The following EPB41L4B variants were observed in gnomAD, a reference collection of about 807,000 sequenced individuals.
EPB41L4B encodes erythrocyte membrane protein band 4.1 like 4B.
EPB41L4B carries 30 observed loss-of-function variants against 112.5 expected under a neutral mutation model. That is an observed-to-expected ratio of 0.27 (90% CI 0.20 to 0.36). The LOEUF (loss-of-function observed/expected upper bound fraction) is 0.36, where lower values mean the gene tolerates loss of function less well. Ranked by LOEUF, EPB41L4B falls within the 10% of genes least tolerant of loss-of-function variation. The pLI is 1.00. For missense variants in EPB41L4B, 1,024 were observed against 1,133.3 expected (o/e 0.90, Z 1.38); for synonymous variants, 408 against 439.7 (o/e 0.93, Z 0.90).
intron 15 of EPB41L4B, among the ~76,000 whole-genome samples, chr9:109,223,839 C>T (rs1163887929): frequency 2.0e-5 from 3 of 151,876 alleles, no homozygotes; most frequent in African/African-American, 4.8e-5. Flanking sequence ...GCCAACATGG[C>T]GAAGCTCTGT....
intron 16 of EPB41L4B, among the ~76,000 whole-genome samples, chr9:109,214,786 C>A (rs1471678497): frequency 1.3e-5 from 2 of 151,966 alleles, no homozygotes; most frequent in Non-Finnish European, 2.9e-5. Flanking sequence ...CTGTGTATGG[C>A]CCTGCTCAGA....
At chr9:109,249,139 T>G (rs1404789661) in intron 13 of EPB41L4B, among the ~76,000 whole-genome samples, 1 of 151,580 alleles carries the variant, frequency 6.6e-6, no homozygotes, top group African/African-American at 2.4e-5. Context: ...GAGGTGTGCT[T>G]GAAATCAAGT....
intron 15 of EPB41L4B, among the ~76,000 whole-genome samples, chr9:109,243,305 T>C (rs1834421497): frequency 2.0e-5 from 3 of 149,374 alleles, no homozygotes; most frequent in South Asian, 4.2e-4. Flanking sequence ...GTAAACAAAT[T>C]CTCAGGACAG....
intron 24 of EPB41L4B, among the ~76,000 whole-genome samples, chr9:109,180,146 A>G (rs1832000688): frequency 6.6e-6 from 1 of 151,988 alleles, no homozygotes; most frequent in Non-Finnish European, 1.5e-5. Flanking sequence ...CCTGTTTTTC[A>G]GTCCCTTGAA....
chr9:109,306,657 G>C (rs939537273), intron 1 of EPB41L4B, among the ~76,000 whole-genome samples: 4 of 151,952 alleles, frequency 2.6e-5, no homozygotes, highest in African/African-American at 9.7e-5. Context: ...CTGGTGAAGG[G>C]GTCCCACCTC....
intron 2 of EPB41L4B, among the ~76,000 whole-genome samples, chr9:109,268,726 G>A (rs1281118126): frequency 5.3e-5 from 8 of 151,770 alleles, no homozygotes; most frequent in Non-Finnish European, 8.8e-5. Flanking sequence ...GTGAAACCCC[G>A]TCTCTACTAA....
intron 15 of EPB41L4B, among the ~76,000 whole-genome samples, chr9:109,226,634 A>T (rs913578795): frequency 2.6e-5 from 3 of 117,058 alleles, no homozygotes; most frequent in Admixed American, 1.8e-4. Flanking sequence ...ATATATGAAG[A>T]ATATATATAT....
At position 109,255,700 on chromosome 9, in the gene EPB41L4B, G is replaced by A; in HGVS notation, c.1000-20C>T. ...ACGTCCCTTAAAGAGGAAGCACAAG[G>A]GCCTCGAGTGGGCGTTTGCAACCCC... On this transcript the variant is annotated intron_variant, in intron 10 of 25. Transcript: ENST00000374566. 6.2e-7 allele frequency: 1 copy of A among 1,610,784 alleles called. No individual in the cohort carries two copies. The highest frequency in any genetic ancestry group is 8.5e-7 in the Non-Finnish European group (1 of 1,177,256).
intron 19 of EPB41L4B, among the ~76,000 whole-genome samples, chr9:109,200,611 G>A (rs754633323): frequency 2.9e-4 from 44 of 152,176 alleles, no homozygotes; most frequent in African/African-American, 9.2e-4. Flanking sequence ...TCTCTGCTCC[G>A]TAACAGCCAC....
intron 20 of EPB41L4B, among the ~76,000 whole-genome samples, chr9:109,199,645 C>A (rs1307492344): frequency 1.3e-5 from 2 of 152,070 alleles, no homozygotes; most frequent in African/African-American, 2.4e-5. Context: ...CCAGCCTGAG[C>A]GACAGAGCAA....
At chr9:109,311,440 G>A (rs1201867656) in intron 1 of EPB41L4B, among the ~76,000 whole-genome samples, 1 of 152,168 alleles carries the variant, frequency 6.6e-6, no homozygotes, top group Non-Finnish European at 1.5e-5. Context: ...CCTCACAGCT[G>A]CAGGGTAGAC....
At chr9:109,283,403 C>A (rs139770416) in intron 1 of EPB41L4B, among the ~76,000 whole-genome samples, 1,602 of 152,316 alleles carry the variant, frequency 0.011, 31 homozygotes, top group African/African-American at 0.036. Flanking sequence ...CAGGCTCTTT[C>A]CTTCCTCGAC....
At chr9:109,287,784 C>T (rs566576873) in intron 1 of EPB41L4B, among the ~76,000 whole-genome samples, 22 of 152,222 alleles carry the variant, frequency 1.4e-4, no homozygotes, top group Middle Eastern at 3.4e-3. Flanking sequence ...CAGGTGTACT[C>T]CACTATGGGG....
intron 24 of EPB41L4B, 123 bp from the exon 25 acceptor site, chr9:109,176,819 G>T: frequency 9.2e-7 from 1 of 1,082,340 alleles, no homozygotes; most frequent in Non-Finnish European, 1.3e-6. Flanking sequence ...AAAATCGATT[G>T]TCATTTTAAG....
chr9:109,217,951 G>T (rs538218826), intron 15 of EPB41L4B, among the ~76,000 whole-genome samples: 3 of 151,106 alleles, frequency 2.0e-5, no homozygotes, highest in Non-Finnish European at 4.4e-5. Context: ...CCATTTGAAG[G>T]CCGTGTCATC....
intron 1 of EPB41L4B, among the ~76,000 whole-genome samples, chr9:109,307,682 G>A (rs148141387): frequency 1.1e-3 from 174 of 152,302 alleles, no homozygotes; most frequent in African/African-American, 3.8e-3. Flanking sequence ...TCAAGAGTGC[G>A]CTGCAGGTTA....
Position 109,182,804 on chromosome 9 carries a change from AAGAG to A in EPB41L4B, c.2419-11_2419-8del, listed in dbSNP as rs1295968810. 6.3e-7 allele frequency: 1 copy of A among 1,599,656 alleles called. No individual in the cohort carries two copies. Among genetic ancestry groups the A allele is most frequent in the Admixed American group, 1.7e-5 (1 of 59,894 alleles). On this transcript the variant is annotated splice_region_variant and splice_polypyrimidine_tract_variant and intron_variant, in intron 23 of 25. Coordinates refer to ENST00000374566, the MANE Select transcript of EPB41L4B (RefSeq NM_019114.5). Reference sequence around the variant, plus strand: ...CAACCGGGAATGTTTTTATCTTCAAAAGAGAGAAAGACAAGGGGGTTACCTTCAG... The same window carrying A: ...CAACCGGGAATGTTTTTATCTTCAAAAGAAAGACAAGGGGGTTACCTTCAG...
intron 13 of EPB41L4B, among the ~76,000 whole-genome samples, chr9:109,249,447 GTTA>G (rs10534513): frequency 0.69 from 104,785 of 150,804 alleles, 36,888 homozygotes; most frequent in South Asian, 0.83. Flanking sequence ...GCGAACAGCA[GTTA>G]TTAGCTCATT....
In EPB41L4B at chr9:109,182,784, G is replaced by A. The variant is rs374874684; in HGVS notation, c.2432C>T (p.Pro811Leu). 8.1e-6 allele frequency: 13 copies of A among 1,611,300 alleles called. No homozygotes were observed. The highest frequency in any genetic ancestry group is 6.7e-5 in the African/African-American group (5 of 74,888). Residue 811 changes from proline (P) to leucine (L), a missense_variant, in exon 24 of 26, where the codon CCG becomes CTG. Physicochemically the swap from Pro to Leu is moderately conservative, Grantham distance 98. Coordinates refer to ENST00000374566, the MANE Select transcript of EPB41L4B (RefSeq NM_019114.5). The part of the protein sequence containing the change: ...PIKTRLIKTF[P>L]VDTMNPFPDT... Reference sequence around the variant, plus strand: ...AGGAAACGGGTTCATTGTATCAACCGGGAATGTTTTTATCTTCAAAAGAGA... The same window carrying A: ...AGGAAACGGGTTCATTGTATCAACCAGGAATGTTTTTATCTTCAAAAGAGA...
Sources: gnomAD v4.1 joint callset for allele counts (sites outside exome capture counted in the v4.1 genomes callset) on GRCh38, gnomAD v4.1.1 for gene constraint, MANE v1.5 for transcripts, NCBI Gene and HGNC (gene_info 2026-07-23, HGNC 2026-07-21) for gene names.